The following RDX variants were observed in gnomAD, a reference collection of about 807,000 sequenced individuals.
The protein encoded by RDX is deafness, autosomal recessive 24.
A neutral mutation model predicts 83.7 loss-of-function variants in RDX; 32 were observed. The observed-to-expected ratio is 0.38, with a 90% confidence interval of 0.29 to 0.51. The LOEUF (loss-of-function observed/expected upper bound fraction) is 0.51. Among genes scored for constraint, RDX ranks in the 20% least tolerant of loss-of-function variants. The pLI is 0.87. For missense variants in RDX, 600 were observed against 689.9 expected (o/e 0.87, Z 1.46); for synonymous variants, 229 against 222.7 (o/e 1.03, Z -0.25).
intron 14 of RDX, among the ~76,000 whole-genome samples, chr11:110,202,884 C>A (rs1223052107): frequency 6.6e-6 from 1 of 152,058 alleles, no homozygotes; most frequent in African/African-American, 2.4e-5. Flanking sequence ...CAGGTAATAA[C>A]AAATGCTGGT....
intron 2 of RDX, among the ~76,000 whole-genome samples, chr11:110,277,609 C>T (rs573465209): frequency 1.3e-5 from 2 of 152,022 alleles, no homozygotes; most frequent in South Asian, 4.2e-4. Flanking sequence ...CGTGATTTAC[C>T]ATGCCCGGCC....
At chr11:110,258,273 A>G (rs2134365078) in intron 5 of RDX, 84 bp from the exon 6 acceptor site, 1 of 849,226 alleles carries the variant, frequency 1.2e-6, no homozygotes, top group Middle Eastern at 2.2e-4. Flanking sequence ...TCCTTTCAGT[A>G]ACTTGACTGT....
intron 12 of RDX, among the ~76,000 whole-genome samples, chr11:110,234,636 T>TTACAGATTTAAACA (rs1220857075): frequency 6.6e-6 from 1 of 152,230 alleles, no homozygotes; most frequent in African/African-American, 2.4e-5. Flanking sequence ...TATGCTAATT[T>TTACAGATTTAAACA]TTTAAAGTTT....
At chr11:110,273,107 G>A (rs996701642) in intron 2 of RDX, 1 of 455,708 alleles carries the variant, frequency 2.2e-6, no homozygotes, top group Non-Finnish European at 4.4e-6. Context: ...TTATTTCCAG[G>A]AAGCTGAGAT....
At chr11:110,285,348 G>A (rs1860940091) in intron 1 of RDX, among the ~76,000 whole-genome samples, 1 of 151,984 alleles carries the variant, frequency 6.6e-6, no homozygotes, top group Non-Finnish European at 1.5e-5. Context: ...TCGCGCCACT[G>A]CACTCAAGCC....
intron 10 of RDX, 130 bp from the exon 11 acceptor site, chr11:110,237,782 T>C (rs1565308073): frequency 2.0e-6 from 2 of 1,019,744 alleles, no homozygotes; most frequent in Non-Finnish European, 3.1e-6. Context: ...TAAATACATA[T>C]ATACCTCTTT....
rs896308493 is a variant in RDX at position 110,203,753 on chromosome 11, C to T, written c.1749-4075G>A. Among the ~76,000 whole-genome samples, 32 of 152,138 alleles carry T rather than the reference C, an allele frequency of 2.1e-4. 1 individual carries two copies. Among genetic ancestry groups the T allele is most frequent in the African/African-American group, 5.1e-4 (21 of 41,528 alleles). ...ATTAAAAAATTAAAGTACACACACA[C>T]GGTTGGTTACCTCAATATACTCAGA... On this transcript the variant is annotated intron_variant, in intron 14 of 15. Coordinates refer to the RDX transcript ENST00000528498.
chr11:110,216,132 G>A (rs529161709), intron 14 of RDX, among the ~76,000 whole-genome samples: 1 of 152,244 alleles, frequency 6.6e-6, no homozygotes, highest in South Asian at 2.1e-4. Flanking sequence ...CATGGCTTAG[G>A]AAGCTCCTGT....
chr11:110,196,563 G>A (rs987412829), intron 15 of RDX, among the ~76,000 whole-genome samples: 7 of 152,204 alleles, frequency 4.6e-5, no homozygotes, highest in African/African-American at 1.7e-4. Flanking sequence ...CCTTAGTGAC[G>A]TGAATCCCAA....
At chr11:110,193,111 C>A (rs909812396) in intron 15 of RDX, among the ~76,000 whole-genome samples, 2 of 152,164 alleles carry the variant, frequency 1.3e-5, no homozygotes, top group African/African-American at 4.8e-5. Context: ...GATACGGAAT[C>A]AACCTAGGTG....
At chr11:110,281,354 T>G (rs760919633) in intron 1 of RDX, among the ~76,000 whole-genome samples, 42 of 150,754 alleles carry the variant, frequency 2.8e-4, no homozygotes, top group Non-Finnish European at 5.8e-4. Context: ...GGAGTCTCAC[T>G]CTGTCGCCCA....
intron 10 of RDX, among the ~76,000 whole-genome samples, chr11:110,238,658 T>C (rs763244591): frequency 6.6e-6 from 1 of 152,200 alleles, no homozygotes; most frequent in Non-Finnish European, 1.5e-5. Flanking sequence ...GTGTTGTGGC[T>C]CATGCCTGTA....
chr11:110,278,618 G>C (rs1233779309), intron 2 of RDX, among the ~76,000 whole-genome samples: 2 of 151,800 alleles, frequency 1.3e-5, no homozygotes, highest in Admixed American at 1.3e-4. Flanking sequence ...TCAGTTATTG[G>C]TTCTAGTATT....
intron 15 of RDX, among the ~76,000 whole-genome samples, chr11:110,193,520 TA>T (rs561976901): frequency 7.4e-4 from 109 of 147,152 alleles, no homozygotes; most frequent in African/African-American, 2.6e-3. Flanking sequence ...ACATCTAAAA[TA>T]AATCTTGAAA....
chr11:110,249,798 CAGG>C (rs1182740599), intron 9 of RDX, among the ~76,000 whole-genome samples: 2 of 152,122 alleles, frequency 1.3e-5, no homozygotes, highest in African/African-American at 4.8e-5. Context: ...CACTTGTGTC[CAGG>C]AGGTCAATGT....
At chr11:110,240,794 C>A (rs1865062536) in intron 10 of RDX, among the ~76,000 whole-genome samples, 1 of 149,218 alleles carries the variant, frequency 6.7e-6, no homozygotes, top group African/African-American at 2.5e-5. Context: ...TGGTTCATGC[C>A]TGTACTCCCA....
downstream of RDX, among the ~76,000 whole-genome samples, chr11:110,225,565 G>A (rs974666606): frequency 2.0e-5 from 3 of 152,194 alleles, no homozygotes; most frequent in Non-Finnish European, 4.4e-5. Flanking sequence ...AAACCACAAT[G>A]AGGTACTGCT....
At chr11:110,284,085 T>C (rs1246468392) in intron 1 of RDX, among the ~76,000 whole-genome samples, 1 of 152,156 alleles carries the variant, frequency 6.6e-6, no homozygotes, top group Non-Finnish European at 1.5e-5. Context: ...AAAATAAATA[T>C]TAATTACGCA....
intron 15 of RDX, among the ~76,000 whole-genome samples, chr11:110,186,766 G>C (rs575538329): frequency 1.3e-5 from 2 of 152,266 alleles, no homozygotes; most frequent in South Asian, 4.1e-4. Flanking sequence ...AAGCAGCTTG[G>C]ACACGGAAAA....
Sources: gnomAD v4.1 joint callset for allele counts (sites outside exome capture counted in the v4.1 genomes callset) on GRCh38, gnomAD v4.1.1 for gene constraint, MANE v1.5 for transcripts, NCBI Gene and HGNC (gene_info 2026-07-23, HGNC 2026-07-21) for gene names.